The following OCA2 variants were observed in gnomAD, a reference collection of about 807,000 sequenced individuals.
The protein encoded by OCA2 is P protein.
In OCA2, 77 loss-of-function variants were observed where a neutral mutation model predicts 100.2. The ratio of observed to expected loss-of-function variants is 0.77; its 90% CI spans 0.64 to 0.93. OCA2 has a LOEUF of 0.93. Ranked by LOEUF, OCA2 falls within the 40% of genes least tolerant of loss-of-function variation. OCA2 has a pLI of 0.00. For missense variants in OCA2, 1,062 were observed against 1,089.1 expected (o/e 0.98, Z 0.35); for synonymous variants, 432 against 439.2 (o/e 0.98, Z 0.21).
At chr15:28,065,179 C>G (rs1476841604) in intron 2 of OCA2, among the ~76,000 whole-genome samples, 1 of 152,100 alleles carries the variant, frequency 6.6e-6, no homozygotes, top group Admixed American at 6.6e-5. Context: ...TCAAGTCTCC[C>G]ACTGAGACTA....
chr15:27,845,942 T>C (rs1410059335), intron 22 of OCA2, among the ~76,000 whole-genome samples: 2 of 152,224 alleles, frequency 1.3e-5, no homozygotes, highest in East Asian at 1.9e-4. Flanking sequence ...ACAGAGCAGG[T>C]GGAGGCCCCA....
intron 1 of OCA2, among the ~76,000 whole-genome samples, chr15:28,083,861 G>A (rs1437866856): frequency 6.6e-6 from 1 of 152,148 alleles, no homozygotes; most frequent in East Asian, 1.9e-4. Context: ...CTTTAGAGGG[G>A]GTCCTCCTGC....
chr15:27,898,513 A>T (rs531670281), intron 19 of OCA2, among the ~76,000 whole-genome samples: 2 of 152,226 alleles, frequency 1.3e-5, no homozygotes, highest in African/African-American at 4.8e-5. Flanking sequence ...GTCTTTTGCC[A>T]TGATTGTGAG....
intron 19 of OCA2, among the ~76,000 whole-genome samples, chr15:27,916,466 A>C (rs932505627): frequency 6.6e-6 from 1 of 152,270 alleles, no homozygotes; most frequent in African/African-American, 2.4e-5. Context: ...AGAATCATCC[A>C]GAAATTTTTA....
At chr15:27,735,357 T>C in the OCA2 span, among the ~76,000 whole-genome samples, 1 of 152,150 alleles carries the variant, frequency 6.6e-6, no homozygotes, top group South Asian at 2.1e-4. Flanking sequence ...TGAAGAAAGC[T>C]TACAAAATTT....
At chr15:27,826,753 G>A (rs968077522) in intron 23 of OCA2, among the ~76,000 whole-genome samples, 24 of 152,286 alleles carry the variant, frequency 1.6e-4, no homozygotes, top group African/African-American at 5.3e-4. Flanking sequence ...GAACCCCAGC[G>A]GCCTAAGGCA....
At chr15:27,784,879 C>A (rs2032727304) in intron 23 of OCA2, among the ~76,000 whole-genome samples, 1 of 110,308 alleles carries the variant, frequency 9.1e-6, no homozygotes. Context: ...ATCTAAGAAG[C>A]AGAAAGAGAG....
chr15:27,796,650 C>A (rs556341610), intron 23 of OCA2, among the ~76,000 whole-genome samples: 15 of 152,338 alleles, frequency 9.8e-5, no homozygotes, highest in African/African-American at 3.4e-4. Flanking sequence ...TGTAACAGGG[C>A]TAAGCACGGA....
chr15:27,726,344 A>AAATAAAT, the OCA2 span, among the ~76,000 whole-genome samples: 1 of 143,216 alleles, frequency 7.0e-6, no homozygotes, highest in Non-Finnish European at 1.6e-5. Context: ...AATAAATAAA[A>AAATAAAT]ATAGTTTAGA....
At chr15:28,058,394 C>T (rs533613525) in intron 2 of OCA2, among the ~76,000 whole-genome samples, 11 of 152,168 alleles carry the variant, frequency 7.2e-5, no homozygotes, top group East Asian at 1.9e-4. Context: ...TTTTTCTGAG[C>T]GCTCCCTCTT....
intron 15 of OCA2, among the ~76,000 whole-genome samples, chr15:27,965,751 T>C (rs139152684): frequency 2.0e-4 from 30 of 152,350 alleles, no homozygotes; most frequent in African/African-American, 7.2e-4. Context: ...GATGCCCCTG[T>C]TACCCAGGCA....
intron 17 of OCA2, among the ~76,000 whole-genome samples, chr15:27,953,774 A>G (rs1255402740): frequency 6.7e-6 from 1 of 149,932 alleles, no homozygotes; most frequent in Non-Finnish European, 1.5e-5. Flanking sequence ...TTCTTATTTC[A>G]ATAGGTTTCA....
At chr15:28,071,639 G>T (rs2044263892) in intron 2 of OCA2, among the ~76,000 whole-genome samples, 1 of 152,144 alleles carries the variant, frequency 6.6e-6, no homozygotes, top group African/African-American at 2.4e-5. Context: ...TCTGATCTTT[G>T]ACATGGCCAA....
intron 15 of OCA2, among the ~76,000 whole-genome samples, chr15:27,961,053 T>A (rs902911840): frequency 3.3e-5 from 5 of 152,032 alleles, no homozygotes; most frequent in African/African-American, 1.2e-4. Flanking sequence ...AATCTATCCA[T>A]CTGACAAAGG....
chr15:27,879,665 G>C (rs550057186), intron 19 of OCA2, among the ~76,000 whole-genome samples: 7 of 152,250 alleles, frequency 4.6e-5, no homozygotes, highest in African/African-American at 1.7e-4. Flanking sequence ...AGAAGTGTCT[G>C]TTCATGTCCT....
chr15:27,722,285 C>T, the OCA2 span, among the ~76,000 whole-genome samples: 10 of 152,276 alleles, frequency 6.6e-5, no homozygotes, highest in African/African-American at 9.6e-5. Flanking sequence ...TGCAAATATC[C>T]GGGGGCATTT....
At chr15:27,973,268 C>A (rs904294325) in intron 14 of OCA2, among the ~76,000 whole-genome samples, 13 of 152,044 alleles carry the variant, frequency 8.6e-5, no homozygotes, top group African/African-American at 3.1e-4. Context: ...GGGTCAGTGT[C>A]CAAAGGAGTT....
At chr15:27,870,931 A>T (rs890505416) in intron 21 of OCA2, among the ~76,000 whole-genome samples, 4 of 152,082 alleles carry the variant, frequency 2.6e-5, no homozygotes, top group African/African-American at 9.7e-5. Context: ...TCACCCCAGG[A>T]CGTGCTGTCC....
At chr15:28,015,999 G>A (rs1446901563) in intron 8 of OCA2, 105 bp downstream of exon 8, 1 of 854,414 alleles carries the variant, frequency 1.2e-6, no homozygotes, top group Non-Finnish European at 2.0e-6. Flanking sequence ...GTCACATGCT[G>A]ACCTGGTGCT....
Sources: gnomAD v4.1 joint callset for allele counts (sites outside exome capture counted in the v4.1 genomes callset) on GRCh38, gnomAD v4.1.1 for gene constraint, MANE v1.5 for transcripts, NCBI Gene and HGNC (gene_info 2026-07-23, HGNC 2026-07-21) for gene names.